The following SPECC1 variants were observed in gnomAD, a reference collection of about 807,000 sequenced individuals.
SPECC1 encodes cytospin-B.
A neutral mutation model predicts 104.1 loss-of-function variants in SPECC1; 62 were observed. The ratio of observed to expected loss-of-function variants is 0.60; its 90% CI spans 0.49 to 0.74. The LOEUF (loss-of-function observed/expected upper bound fraction) is 0.74. Ranked by LOEUF, SPECC1 falls within the 30% of genes least tolerant of loss-of-function variation. The pLI is 0.00. For synonymous variants in SPECC1, 513 were observed against 501.6 expected, an observed-to-expected ratio of 1.02 and a Z score of -0.30; for missense variants, 1,306 against 1,310.5, an observed-to-expected ratio of 1.00 and a Z score of 0.05.
At chr17:20,017,777 C>T (rs1222421921) in intron 1 of SPECC1, among the ~76,000 whole-genome samples, 1 of 152,182 alleles carries the variant, frequency 6.6e-6, no homozygotes, top group Admixed American at 6.5e-5. Context: ...CAAAGATCGT[C>T]ACATACCAAC....
chr17:20,294,654 A>T (rs571264806), intron 12 of SPECC1, among the ~76,000 whole-genome samples: 45 of 62,892 alleles, frequency 7.2e-4, no homozygotes, highest in African/African-American at 1.9e-3. Context: ...GGTCATGGTT[A>T]TGAAGGTACT....
chr17:20,289,876 C>T (rs533700157), intron 12 of SPECC1, among the ~76,000 whole-genome samples: 18 of 152,278 alleles, frequency 1.2e-4, no homozygotes, highest in African/African-American at 4.1e-4. Context: ...GTTGGGTGGC[C>T]TCTACCTCTG....
At position 20,309,818 on chromosome 17, in the gene SPECC1, T is replaced by TTC. The variant is rs773170574; in HGVS notation, c.3117+3737_3117+3738insCT. ...TACTGGTTTTCTTTCTCCTTTTCTT[T>TTC]TTTTTTTTTTTTTTTTTGAGATGGA... On this transcript the variant is annotated intron_variant, in intron 14 of 14. Coordinates refer to ENST00000395527, the MANE Select transcript of SPECC1 (RefSeq NM_001243439.2). 0.026 allele frequency among the ~76,000 whole-genome samples: 673 copies of TTC among 25,574 alleles called. 26 individuals carry two copies. The East Asian group carries it at 0.43, about 16-fold the overall frequency. 16.8% of individuals were successfully genotyped at this position (25,574 alleles called of 152,430 possible). A position where few individuals can be genotyped will look rare whatever the true frequency, so the allele number is the denominator to read the frequency against.
intron 12 of SPECC1, among the ~76,000 whole-genome samples, chr17:20,263,535 AAAAT>A (rs1032105766): frequency 5.4e-4 from 82 of 152,148 alleles, no homozygotes; most frequent in African/African-American, 1.9e-3. Context: ...ATATTAAAAG[AAAAT>A]AAATAAATAT....
intron 3 of SPECC1, among the ~76,000 whole-genome samples, chr17:20,124,191 A>C (rs1346458517): frequency 6.6e-6 from 1 of 152,128 alleles, no homozygotes; most frequent in African/African-American, 2.4e-5. Context: ...AGAGGATGCC[A>C]GGTCCTGCTG....
At chr17:20,199,379 G>A (rs960823328) in intron 3 of SPECC1, among the ~76,000 whole-genome samples, 4 of 134,660 alleles carry the variant, frequency 3.0e-5, no homozygotes, top group South Asian at 2.5e-4. Context: ...GAGCCACCGT[G>A]CTGGTTTTTT....
intron 3 of SPECC1, chr17:20,155,901 C>A (rs1422537089): frequency 5.9e-6 from 7 of 1,181,000 alleles, no homozygotes; most frequent in South Asian, 7.1e-5. Context: ...ATGCAGATGA[C>A]GGGGGCGGGC....
At chr17:20,169,886 T>G (rs1348817303) in intron 3 of SPECC1, among the ~76,000 whole-genome samples, 1 of 152,202 alleles carries the variant, frequency 6.6e-6, no homozygotes, top group Non-Finnish European at 1.5e-5. Context: ...AGGTACGGGA[T>G]TTCTAGTTTG....
chr17:20,274,080 C>G (rs1430497927), intron 12 of SPECC1, among the ~76,000 whole-genome samples: 3 of 152,188 alleles, frequency 2.0e-5, no homozygotes, highest in Non-Finnish European at 4.4e-5. Context: ...ATATTATATA[C>G]AAATACACAC....
At chr17:20,036,638 A>G (rs925081794) in intron 1 of SPECC1, among the ~76,000 whole-genome samples, 7 of 152,200 alleles carry the variant, frequency 4.6e-5, no homozygotes, top group Non-Finnish European at 8.8e-5. Flanking sequence ...TGCAATAGGT[A>G]TCTTGAACTT....
At chr17:20,306,543 A>T (rs963741626) in intron 14 of SPECC1, among the ~76,000 whole-genome samples, 16 of 152,272 alleles carry the variant, frequency 1.1e-4, no homozygotes, top group African/African-American at 3.9e-4. Context: ...CATAAAGCCA[A>T]GGCTCACAAC....
intron 12 of SPECC1, among the ~76,000 whole-genome samples, chr17:20,287,101 C>T (rs1375472283): frequency 6.6e-6 from 1 of 152,220 alleles, no homozygotes; most frequent in African/African-American, 2.4e-5. Context: ...TGTACGTGGT[C>T]TGCAAGGGAA....
intron 4 of SPECC1, among the ~76,000 whole-genome samples, chr17:20,225,543 C>T (rs915261709): frequency 4.6e-5 from 7 of 152,148 alleles, no homozygotes; most frequent in African/African-American, 7.2e-5. Context: ...TGGGACAGCA[C>T]CAAATTCCAA....
At chr17:20,082,982 GTTCGTTCGTTC>G (rs1567830373) in intron 1 of SPECC1, among the ~76,000 whole-genome samples, 1 of 151,080 alleles carries the variant, frequency 6.6e-6, no homozygotes, top group African/African-American at 2.4e-5. Context: ...TCGTTCGTTC[GTTCGTTCGTTC>G]GTTCGTTCGT....
At chr17:20,148,800 G>T (rs1187823348) in intron 3 of SPECC1, among the ~76,000 whole-genome samples, 1 of 151,908 alleles carries the variant, frequency 6.6e-6, no homozygotes, top group South Asian at 2.1e-4. Flanking sequence ...GCTCACTGCA[G>T]CCTCTGCCTC....
chr17:20,051,003 G>A (rs1340135427), intron 1 of SPECC1, among the ~76,000 whole-genome samples: 4 of 152,108 alleles, frequency 2.6e-5, no homozygotes, highest in Non-Finnish European at 5.9e-5. Context: ...TGAAAATAGC[G>A]TGCATGGAAA....
At chr17:20,215,841 C>T (rs1289643491) in intron 4 of SPECC1, among the ~76,000 whole-genome samples, 2 of 152,128 alleles carry the variant, frequency 1.3e-5, no homozygotes, top group South Asian at 4.1e-4. Flanking sequence ...CTTATGGCTG[C>T]TTTGTGTAGG....
At chr17:20,238,798 TG>T in intron 7 of SPECC1, 1 of 1,045,672 alleles carries the variant, frequency 9.6e-7, no homozygotes, top group Non-Finnish European at 1.2e-6. Flanking sequence ...CTGCTGTATT[TG>T]CACCCTATAT....
intron 3 of SPECC1, among the ~76,000 whole-genome samples, chr17:20,192,180 C>T (rs1190528908): frequency 6.6e-6 from 1 of 152,018 alleles, no homozygotes; most frequent in Non-Finnish European, 1.5e-5. Context: ...GCTGCCCAGA[C>T]TGGTCTTGAA....
Sources: gnomAD v4.1 joint callset for allele counts (sites outside exome capture counted in the v4.1 genomes callset) on GRCh38, gnomAD v4.1.1 for gene constraint, MANE v1.5 for transcripts, NCBI Gene and HGNC (gene_info 2026-07-23, HGNC 2026-07-21) for gene names.